DAB2IP: variants seen among roughly 807,000 people sequenced by gnomAD.
The protein encoded by DAB2IP is disabled homolog 2-interacting protein.
Under a neutral mutation model 107.2 loss-of-function variants are expected in DAB2IP, and 28 were observed. The observed-to-expected ratio is 0.26, with a 90% CI of 0.19 to 0.36. DAB2IP has a LOEUF of 0.36. DAB2IP is among the 10% of genes least tolerant of loss of function. The pLI, the probability that DAB2IP is intolerant of heterozygous loss-of-function variation, is 1.00. For missense variants in DAB2IP, 1,400 were observed against 1,644.7 expected (o/e 0.85, Z 2.57); for synonymous variants, 755 against 706.4 (o/e 1.07, Z -1.09).
chr9:121,771,817 A>G (rs1261935358), intron 11 of DAB2IP, among the ~76,000 whole-genome samples: 2 of 151,680 alleles, frequency 1.3e-5, no homozygotes, highest in African/African-American at 2.4e-5. Context: ...GGCTAAGCCA[A>G]CCCATTCCCC....
intron 1 of DAB2IP, among the ~76,000 whole-genome samples, chr9:121,661,734 A>G (rs1030506615): frequency 9.2e-5 from 14 of 152,154 alleles, no homozygotes; most frequent in Admixed American, 8.5e-4. Flanking sequence ...TGTAATCCCA[A>G]CACTTTGGGA....
Position 121,718,779 on chromosome 9 carries a change from G to A in DAB2IP, c.362+19321G>A, listed in dbSNP as rs916301832. ...ATTGTGTCATGGAGTTCCCCGGCTC[G>A]TGTTGTGTCCTCTCTCTGGAATGCT... On this transcript the variant is annotated intron_variant, in intron 3 of 15. Transcript: ENST00000408936. 1.9e-4 allele frequency among the ~76,000 whole-genome samples: 29 copies of A among 152,350 alleles called. No individual in the cohort carries two copies. In the South Asian group the frequency reaches 5.4e-3, roughly 28 times the overall value.
chr9:121,772,610 G>A lies in DAB2IP; in HGVS notation c.2082G>A (p.Leu694=). The A allele has an allele frequency of 6.2e-7, 1 of 1,611,928 alleles. No individual in the cohort carries two copies. Among genetic ancestry groups the A allele is most frequent in the South Asian group, 1.1e-5 (1 of 90,780 alleles). ...GTGTGTGCTTGTCTCCCTGCAGTCT[G>A]ATAGATTTCACCCGGTTACCGTCTC... The change falls in exon 12 of 16, where the codon CTG becomes CTA. Residue 694 remains leucine (L), a synonymous_variant. Transcript: ENST00000408936. The surrounding 1 kb of genome is among the most constrained non-coding windows in gnomAD (Gnocchi z 4.7).
At chr9:121,679,109 G>A (rs1362976716) in intron 2 of DAB2IP, among the ~76,000 whole-genome samples, 1 of 152,034 alleles carries the variant, frequency 6.6e-6, no homozygotes, top group African/African-American at 2.4e-5. Flanking sequence ...CCTTGAGGGC[G>A]CACACACACT....
rs143612068 is a variant in DAB2IP, at chr9:121,769,460, A to G, written c.1899+827A>G. Among the ~76,000 whole-genome samples, 37 of 152,170 alleles carry G rather than the reference A, an allele frequency of 2.4e-4. No individual in the cohort carries two copies. The East Asian group carries it at 7.1e-3, about 29-fold the overall frequency. ...TATGCTGCTGTGTGCATTTCTTACCACTGTGTTGTGGGCCTCTTTGCTTGT... is the reference window on the plus strand; with the variant it reads ...TATGCTGCTGTGTGCATTTCTTACCGCTGTGTTGTGGGCCTCTTTGCTTGT... On this transcript the variant is annotated intron_variant, in intron 10 of 15. Coordinates refer to ENST00000408936, the Ensembl canonical transcript of DAB2IP.
intron 3 of DAB2IP, among the ~76,000 whole-genome samples, chr9:121,743,102 T>A (rs1364078806): frequency 6.6e-6 from 1 of 152,204 alleles, no homozygotes; most frequent in Admixed American, 6.5e-5. Context: ...GCTTTGCAGC[T>A]GACTTGCATG....
chr9:121,576,264 C>A (rs1830054848), intron 1 of DAB2IP: 1 of 152,180 alleles, frequency 6.6e-6, no homozygotes, highest in South Asian at 2.1e-4. Flanking sequence ...TGGTCTGACC[C>A]TGCAGATACA....
At chr9:121,770,710 G>A in exon 11 of DAB2IP, 1 of 1,614,080 alleles carries the variant, frequency 6.2e-7, no homozygotes, top group Non-Finnish European at 8.5e-7. Flanking sequence ...TGGTGATTGA[G>A]AACGATCTTT....
At chr9:121,750,335 G>A (rs977376158) in intron 3 of DAB2IP, among the ~76,000 whole-genome samples, 6 of 152,202 alleles carry the variant, frequency 3.9e-5, no homozygotes, top group Non-Finnish European at 8.8e-5. Flanking sequence ...GCGCGCGTGT[G>A]TGTGTGTGTT....
chr9:121,676,641 A>ACACACACACACACACACACACACACACT (rs1219329345), intron 1 of DAB2IP, among the ~76,000 whole-genome samples: 34 of 151,774 alleles, frequency 2.2e-4, no homozygotes, highest in African/African-American at 8.3e-4. Flanking sequence ...AGACGCACAC[A>ACACACACACACACACACACACACACACT]CACACACACA....
intron 1 of DAB2IP, among the ~76,000 whole-genome samples, chr9:121,676,917 G>T (rs1294286528): frequency 6.6e-6 from 1 of 152,218 alleles, no homozygotes; most frequent in Non-Finnish European, 1.5e-5. Context: ...GGCCAGGTTG[G>T]CAGGTTGGAC....
chr9:121,751,697 C>T (rs1460634831), intron 3 of DAB2IP: 1 of 153,312 alleles, frequency 6.5e-6, no homozygotes, highest in Admixed American at 6.5e-5. Context: ...GCATCTGGGA[C>T]TTGATTATCT....
At chr9:121,783,492 G>C (rs1258087868) in exon 16 of DAB2IP, 6 of 1,614,036 alleles carry the variant, frequency 3.7e-6, no homozygotes, top group Non-Finnish European at 5.1e-6. Flanking sequence ...AACGCCTGCA[G>C]GCCCTGAGAA....
chr9:121,583,693 T>A (rs1830253419), intron 1 of DAB2IP, among the ~76,000 whole-genome samples: 1 of 152,134 alleles, frequency 6.6e-6, no homozygotes, highest in Non-Finnish European at 1.5e-5. Flanking sequence ...GCTGCCCGCA[T>A]AGCACTTCGG....
At chr9:121,777,078 T>TA (rs778069761) in intron 14 of DAB2IP, among the ~76,000 whole-genome samples, 63 of 152,104 alleles carry the variant, frequency 4.1e-4, no homozygotes, top group Non-Finnish European at 7.5e-4. Context: ...TGCCTATGGG[T>TA]AGGGCATCCC....
At chr9:121,688,475 C>T (rs1054966016) in intron 2 of DAB2IP, among the ~76,000 whole-genome samples, 6 of 152,172 alleles carry the variant, frequency 3.9e-5, no homozygotes, top group African/African-American at 9.7e-5. Context: ...GCATTCAAGC[C>T]CCCCAGGCTG....
At chr9:121,741,950 G>A (rs899772010) in intron 3 of DAB2IP, among the ~76,000 whole-genome samples, 1 of 152,002 alleles carries the variant, frequency 6.6e-6, no homozygotes, top group Non-Finnish European at 1.5e-5. Flanking sequence ...AAGTGGCAGA[G>A]TCCGGGTTTG....
chr9:121,665,329 G>A (rs1415242900), intron 1 of DAB2IP, among the ~76,000 whole-genome samples: 1 of 152,158 alleles, frequency 6.6e-6, no homozygotes, highest in African/African-American at 2.4e-5. Flanking sequence ...CCAACATAGT[G>A]AGACCCCGTC....
At chr9:121,754,490 G>A (rs1833340947) in intron 3 of DAB2IP, among the ~76,000 whole-genome samples, 2 of 152,178 alleles carry the variant, frequency 1.3e-5, no homozygotes, top group South Asian at 4.1e-4. Context: ...TGCAGGGATG[G>A]ATGCAGCCTC....
Sources: gnomAD v4.1 joint callset for allele counts (sites outside exome capture counted in the v4.1 genomes callset) on GRCh38, gnomAD v4.1.1 for gene constraint, Gnocchi (gnomAD v3.1) non-coding constraint, MANE v1.5 for transcripts, NCBI Gene and HGNC (gene_info 2026-07-23, HGNC 2026-07-21) for gene names.